Variants in NAALADL2 observed in about 807,000 individuals in gnomAD.
The protein encoded by NAALADL2 is inactive N-acetylated-alpha-linked acidic dipeptidase-like protein 2.
In NAALADL2, 76 loss-of-function variants were observed where a neutral mutation model predicts 87.2. That is an observed-to-expected ratio of 0.87 (90% CI 0.72 to 1.05). NAALADL2 has a LOEUF of 1.05. Among genes scored for constraint, NAALADL2 ranks in the 50% least tolerant of loss-of-function variants. NAALADL2 has a pLI of 0.00. For synonymous variants in NAALADL2, 354 were observed against 331.0 expected, an observed-to-expected ratio of 1.07 and a Z score of -0.75; for missense variants, 1,089 against 945.8, an observed-to-expected ratio of 1.15 and a Z score of -1.99.
At position 175,483,580 on chromosome 3, in the gene NAALADL2, T is replaced by G. The variant is rs371323078; in HGVS notation, c.1653+11822T>G. Reference sequence around the variant, plus strand: ...TCAGGGCTAGAACTTCAATAATGTTTGGTTTTCATAGTCATCTCAAGGGAA... The same window carrying G: ...TCAGGGCTAGAACTTCAATAATGTTGGGTTTTCATAGTCATCTCAAGGGAA... On this transcript the variant is annotated intron_variant, in intron 9 of 13. Transcript: ENST00000454872. Among the ~76,000 whole-genome samples, 459 of 152,074 alleles carry G rather than the reference T, an allele frequency of 3.0e-3. 2 individuals carry two copies. Among genetic ancestry groups the G allele is most frequent in the African/African-American group, 0.01 (432 of 41,500 alleles).
chr3:175,748,893 C>A (rs1021599852), intron 12 of NAALADL2, among the ~76,000 whole-genome samples: 1 of 151,660 alleles, frequency 6.6e-6, no homozygotes, highest in Non-Finnish European at 1.5e-5. Flanking sequence ...TCACTTGAGG[C>A]TAGGAGTTCA....
At chr3:175,401,204 A>G (rs991744327) in intron 5 of NAALADL2, among the ~76,000 whole-genome samples, 3 of 152,106 alleles carry the variant, frequency 2.0e-5, no homozygotes, top group Non-Finnish European at 4.4e-5. Flanking sequence ...AGCCATAAAC[A>G]GCCACATCTG....
At chr3:175,629,598 A>G (rs1727482571) in intron 11 of NAALADL2, among the ~76,000 whole-genome samples, 1 of 151,654 alleles carries the variant, frequency 6.6e-6, no homozygotes, top group Non-Finnish European at 1.5e-5. Flanking sequence ...TGCCACGAGA[A>G]CATAGAATGA....
At chr3:175,742,792 A>G (rs1186601308) in intron 12 of NAALADL2, among the ~76,000 whole-genome samples, 1 of 152,182 alleles carries the variant, frequency 6.6e-6, no homozygotes, top group African/African-American at 2.4e-5. Context: ...AGTTTGATGA[A>G]GAGTTCAGAA....
chr3:174,791,556 T>C lies in NAALADL2; in HGVS notation c.-9+53810T>C, dbSNP rs187348754. Among the ~76,000 whole-genome samples the C allele has an allele frequency of 6.6e-4, 101 of 152,292 alleles. 1 individual carries two copies. The highest frequency in any genetic ancestry group is 1.1e-3 in the Non-Finnish European group (77 of 68,020). ...TGTTGTTTATGAGCTACTCAGTTTATAGTATTTTGTTACAGCAGCAGTCCA... is the reference window on the plus strand; with the variant it reads ...TGTTGTTTATGAGCTACTCAGTTTACAGTATTTTGTTACAGCAGCAGTCCA... On this transcript the variant is annotated intron_variant, in intron 3 of 3. Transcript: ENST00000434257.
At chr3:174,642,741 A>G (rs1237654889) in intron 2 of NAALADL2, among the ~76,000 whole-genome samples, 4 of 135,950 alleles carry the variant, frequency 2.9e-5, no homozygotes, top group Non-Finnish European at 6.3e-5. Context: ...CAGTGCCATG[A>G]AAAAAAACAT....
chr3:174,443,391 AT>A (rs1714808357), intron 1 of NAALADL2, among the ~76,000 whole-genome samples: 1 of 152,220 alleles, frequency 6.6e-6, no homozygotes, highest in African/African-American at 2.4e-5. Flanking sequence ...AGCAAAAGAA[AT>A]TAAGGAGAAT....
chr3:174,964,995 A>G (rs535355338), intron 1 of NAALADL2, among the ~76,000 whole-genome samples: 1 of 152,196 alleles, frequency 6.6e-6, no homozygotes, highest in East Asian at 1.9e-4. Flanking sequence ...AAAAAAATGT[A>G]GTGGCTTAAA....
At chr3:175,715,322 CTCTT>C (rs1348628954) in intron 11 of NAALADL2, among the ~76,000 whole-genome samples, 1 of 152,134 alleles carries the variant, frequency 6.6e-6, no homozygotes, top group Non-Finnish European at 1.5e-5. Flanking sequence ...TTTATGGACT[CTCTT>C]TAGTAGGTGT....
At chr3:174,670,876 G>T (rs1268714536) in intron 2 of NAALADL2, among the ~76,000 whole-genome samples, 1 of 151,964 alleles carries the variant, frequency 6.6e-6, no homozygotes, top group East Asian at 1.9e-4. Context: ...GGTGGGAGGT[G>T]ACTAGATCAT....
At chr3:175,409,003 G>C (rs1712947327) in intron 5 of NAALADL2, among the ~76,000 whole-genome samples, 1 of 151,654 alleles carries the variant, frequency 6.6e-6, no homozygotes, top group South Asian at 2.1e-4. Flanking sequence ...ACATATCTTT[G>C]TCCAACTCAA....
Position 174,786,132 on chromosome 3 carries a change from C to T in NAALADL2, c.-9+48386C>T, listed in dbSNP as rs1716611765. Among the ~76,000 whole-genome samples, 5 of 152,148 alleles carry T rather than the reference C, an allele frequency of 3.3e-5. No homozygotes were observed. The South Asian group carries it at 1.0e-3, about 32-fold the overall frequency. ...CCATCTGATTATTTTTGCATGATCC[C>T]TTGCTTAGCAAAAAGCTTTACTGAA... On this transcript the variant is annotated intron_variant, in intron 3 of 3. Coordinates refer to the NAALADL2 transcript ENST00000434257.
At chr3:174,590,063 A>G (rs1717190414) in intron 2 of NAALADL2, among the ~76,000 whole-genome samples, 1 of 152,112 alleles carries the variant, frequency 6.6e-6, no homozygotes, top group Non-Finnish European at 1.5e-5. Context: ...TTCTTTTTTT[A>G]GAAATGAGGC....
intron 11 of NAALADL2, among the ~76,000 whole-genome samples, chr3:175,651,142 G>A (rs1032375399): frequency 4.6e-5 from 7 of 151,870 alleles, no homozygotes; most frequent in Non-Finnish European, 7.4e-5. Flanking sequence ...TGTATAATTC[G>A]TGTATTTTAC....
intron 5 of NAALADL2, among the ~76,000 whole-genome samples, chr3:175,368,491 T>A (rs571009491): frequency 6.6e-6 from 1 of 152,192 alleles, no homozygotes; most frequent in South Asian, 2.1e-4. Context: ...GGTCCGAAAA[T>A]AGTTACATTT....
chr3:175,284,394 A>G (rs971114123), intron 4 of NAALADL2, among the ~76,000 whole-genome samples: 2 of 151,974 alleles, frequency 1.3e-5, no homozygotes, highest in Admixed American at 1.3e-4. Flanking sequence ...TTCTTATACT[A>G]TTATATTCTG....
At chr3:175,365,686 T>A (rs1413224484) in intron 5 of NAALADL2, among the ~76,000 whole-genome samples, 1 of 147,060 alleles carries the variant, frequency 6.8e-6, no homozygotes, top group Non-Finnish European at 1.5e-5. Flanking sequence ...GATGGAACAT[T>A]TGAAATTGTA....
chr3:175,178,328 C>A (rs1424791967), intron 2 of NAALADL2, among the ~76,000 whole-genome samples: 1 of 151,998 alleles, frequency 6.6e-6, no homozygotes, highest in Non-Finnish European at 1.5e-5. Flanking sequence ...TCATTTCTTT[C>A]ATTTATCCCA....
chr3:175,710,952 T>G (rs1010156563), intron 11 of NAALADL2, among the ~76,000 whole-genome samples: 99 of 151,944 alleles, frequency 6.5e-4, no homozygotes, highest in African/African-American at 2.3e-3. Context: ...TTATTCTTGA[T>G]GTTGCTATGA....
Sources: gnomAD v4.1 joint callset for allele counts (sites outside exome capture counted in the v4.1 genomes callset) on GRCh38, gnomAD v4.1.1 for gene constraint, MANE v1.5 for transcripts, NCBI Gene and HGNC (gene_info 2026-07-23, HGNC 2026-07-21) for gene names.